Variants in MAP3K2 observed in about 807,000 individuals in gnomAD.
MAP3K2 encodes mitogen-activated protein kinase kinase kinase 2.
Under a neutral mutation model 80.3 loss-of-function variants are expected in MAP3K2, and 24 were observed. The observed-to-expected ratio is 0.30, with a 90% CI of 0.22 to 0.42. The LOEUF is 0.42. MAP3K2 is among the 10% of genes least tolerant of loss of function. MAP3K2 has a pLI of 1.00. For synonymous variants in MAP3K2, 244 were observed against 253.7 expected, an observed-to-expected ratio of 0.96 and a Z score of 0.36; for missense variants, 608 against 750.1, an observed-to-expected ratio of 0.81 and a Z score of 2.21.
At position 127,307,645 on chromosome 2, in the gene MAP3K2, A is replaced by G. The variant is rs1418344028; in HGVS notation, c.1794T>C (p.Phe598=). The part of the protein sequence containing the change: ...DYTRDFLKRI[F]VEAKLRPSAD... ...CTGAAGGTCTCAGTTTGGCCTCTACAAAAATCCGTTTGAGGAAATCTCGAG... is the reference window on the plus strand; with the variant it reads ...CTGAAGGTCTCAGTTTGGCCTCTACGAAAATCCGTTTGAGGAAATCTCGAG... Residue 598 remains phenylalanine, a synonymous_variant, in exon 17 of 17, where the codon TTT becomes TTC. Coordinates refer to ENST00000682094, the MANE Select transcript of MAP3K2 (RefSeq NM_001371910.2). The surrounding 1 kb of genome is among the most constrained non-coding windows in gnomAD (Gnocchi z 5.4). The G allele has an allele frequency of 6.3e-7, 1 of 1,590,232 alleles. No homozygotes were observed. Among genetic ancestry groups the G allele is most frequent in the East Asian group, 2.3e-5 (1 of 44,110 alleles).
Position 127,387,567 on chromosome 2 carries a change from C to G in MAP3K2, c.-181G>C. ...CGCGGCCCCAGGTCGGGGGCTGCCG[C>G]AGGGCCCCCGGGGACCGGAGGGGCG... On this transcript the variant is annotated 5_prime_UTR_variant, in exon 1 of 17. Coordinates refer to ENST00000682094, the MANE Select transcript of MAP3K2 (RefSeq NM_001371910.2). 1 of 984,942 alleles carries G rather than the reference C, an allele frequency of 1.0e-6. No homozygotes were observed. Among genetic ancestry groups the G allele is most frequent in the Non-Finnish European group, 1.2e-6 (1 of 829,704 alleles). The allele number at this position is 984,942 out of a possible 1,614,324, so 61.0% of individuals were successfully genotyped here. A position where few individuals can be genotyped will look rare whatever the true frequency, so the allele number is the denominator to read the frequency against.
intron 13 of MAP3K2, 38 bp from the exon 14 acceptor site, chr2:127,317,798 T>A: frequency 1.3e-6 from 2 of 1,563,504 alleles, no homozygotes; most frequent in Admixed American, 1.9e-5. Flanking sequence ...TTCAACAATG[T>A]CAGTAAAAGC....
At chr2:127,345,951 G>C (rs769009651) in intron 1 of MAP3K2, among the ~76,000 whole-genome samples, 13 of 151,676 alleles carry the variant, frequency 8.6e-5, no homozygotes, top group Non-Finnish European at 1.5e-4. Flanking sequence ...AATACTAGAA[G>C]ATGAGGAACA....
rs111826303 is a variant in MAP3K2, at chr2:127,322,358, G to A, written c.839-106C>T. 5 of 671,148 alleles carry A rather than the reference G, an allele frequency of 7.4e-6. No homozygotes were observed. The highest frequency in any genetic ancestry group is 3.6e-5 in the African/African-American group (2 of 55,148). The allele number at this position is 671,148 out of a possible 1,614,324, so 41.6% of individuals were successfully genotyped here. A position where few individuals can be genotyped will look rare whatever the true frequency, so the allele number is the denominator to read the frequency against. On this transcript the variant is annotated intron_variant, in intron 11 of 16. Transcript: ENST00000682094. The surrounding 1 kb of genome is among the most constrained non-coding windows in gnomAD (Gnocchi z 4.2). ...GAATAGAAATTTGTCCTGTGACTAGGCTAAGAAACTCAAATAGGAATGATT... is the reference window on the plus strand; with the variant it reads ...GAATAGAAATTTGTCCTGTGACTAGACTAAGAAACTCAAATAGGAATGATT...
At chr2:127,315,976 GAGGC>G (rs975670675) in intron 14 of MAP3K2, among the ~76,000 whole-genome samples, 8 of 152,178 alleles carry the variant, frequency 5.3e-5, no homozygotes, top group African/African-American at 1.9e-4. Context: ...TCAGGAGGCT[GAGGC>G]AGGAGAATTG....
chr2:127,387,421 C>CACACACACACA (rs958738073), intron 1 of MAP3K2, 31 bp downstream of exon 1: 2 of 970,098 alleles, frequency 2.1e-6, no homozygotes, highest in Non-Finnish European at 2.5e-6. Context: ...CACACACACA[C>CACACACACACA]AAGCGCGCGC....
chr2:127,325,559 A>C (rs1012388819), intron 9 of MAP3K2, among the ~76,000 whole-genome samples, 169 bp downstream of exon 9: 1 of 152,102 alleles, frequency 6.6e-6, no homozygotes, highest in African/African-American at 2.4e-5. Flanking sequence ...TTAATAGCAA[A>C]TGCCTTTGGT....
rs2104797100 is a variant in MAP3K2, at chr2:127,303,238, T to C, written c.*4341A>G. On this transcript the variant is annotated 3_prime_UTR_variant, in exon 17 of 17. Coordinates refer to ENST00000682094, the MANE Select transcript of MAP3K2 (RefSeq NM_001371910.2). ...CTGATCTTAGTATAAATAACACTGT[T>C]GACAGAGTTCAATTTCTATCAAATG... 6.6e-6 allele frequency: 1 copy of C among 152,078 alleles called. No homozygotes were observed. The highest frequency in any genetic ancestry group is 6.5e-5 in the Admixed American group (1 of 15,270). The allele number at this position is 152,078 out of a possible 1,614,324, so 9.4% of individuals were successfully genotyped here.
chr2:127,364,521 C>T lies in MAP3K2; in HGVS notation c.-65-21327G>A, dbSNP rs751831552. ...GAATTATCGTCTGTGGACTGTCAGA[C>T]GATGTGCTAGACATTTCACATACAC... On this transcript the variant is annotated intron_variant, in intron 1 of 16. Transcript: ENST00000682094. This position sits in a 1 kb window ranked among gnomAD's most constrained non-coding sequence, Gnocchi z 4.1. Among the ~76,000 whole-genome samples, 1 of 152,154 alleles carries T rather than the reference C, an allele frequency of 6.6e-6. No homozygotes were observed. Among genetic ancestry groups the T allele is most frequent in the East Asian group, 1.9e-4 (1 of 5,182 alleles).
chr2:127,322,627 C>T lies in MAP3K2; in HGVS notation c.839-375G>A, dbSNP rs1686048509. Among the ~76,000 whole-genome samples, 1 of 152,098 alleles carries T rather than the reference C, an allele frequency of 6.6e-6. No individual in the cohort carries two copies. The highest frequency in any genetic ancestry group is 1.5e-5 in the Non-Finnish European group (1 of 68,012). On this transcript the variant is annotated intron_variant, in intron 11 of 16. Transcript: ENST00000682094. The surrounding 1 kb of genome is among the most constrained non-coding windows in gnomAD (Gnocchi z 4.2). ...TTTCTTTTTGAGATGGAGTTTCACTCTTGTTGCCCAGGCTGGAGTGCAGTG... is the reference window on the plus strand; with the variant it reads ...TTTCTTTTTGAGATGGAGTTTCACTTTTGTTGCCCAGGCTGGAGTGCAGTG...
rs1212997604 is a variant in MAP3K2 at position 127,321,096 on chromosome 2, AGTGAGATCCT to A, written c.1045+940_1045+949del. On this transcript the variant is annotated intron_variant, in intron 12 of 16. Coordinates refer to ENST00000682094, the MANE Select transcript of MAP3K2 (RefSeq NM_001371910.2). This position sits in a 1 kb window ranked among gnomAD's most constrained non-coding sequence, Gnocchi z 4.4. ...GATTGCACCACAGCCTGAGTGACAGAGTGAGATCCTGTTTCAAAAATGAAGGAGAAATAGA... is the reference window on the plus strand; with the variant it reads ...GATTGCACCACAGCCTGAGTGACAGAGTTTCAAAAATGAAGGAGAAATAGA... 1.3e-5 allele frequency among the ~76,000 whole-genome samples: 2 copies of A among 152,206 alleles called. No homozygotes were observed. The highest frequency in any genetic ancestry group is 4.8e-5 in the African/African-American group (2 of 41,454).
intron 12 of MAP3K2, among the ~76,000 whole-genome samples, chr2:127,320,413 T>A (rs1302574248): frequency 6.7e-6 from 1 of 149,990 alleles, no homozygotes; most frequent in Non-Finnish European, 1.5e-5. Flanking sequence ...AACCTGAAAA[T>A]AGATCAATGG....
chr2:127,368,140 G>T (rs1687002830), intron 1 of MAP3K2, among the ~76,000 whole-genome samples: 1 of 151,786 alleles, frequency 6.6e-6, no homozygotes, highest in South Asian at 2.1e-4. Flanking sequence ...TGGCCAACAT[G>T]GTGAAGCCCT....
chr2:127,325,690 A>C (rs1220341752), intron 9 of MAP3K2, 38 bp downstream of exon 9: 6 of 1,509,692 alleles, frequency 4.0e-6, no homozygotes, highest in Non-Finnish European at 5.5e-6. Context: ...TGTCTCAAAT[A>C]AACAAATAAA....
chr2:127,335,841 T>C (rs1558980367), intron 5 of MAP3K2, 29 bp downstream of exon 5: 12 of 1,230,612 alleles, frequency 9.8e-6, no homozygotes, highest in Non-Finnish European at 1.4e-5. Context: ...GAAGGTAAGA[T>C]CTACTAAAGT....
Position 127,308,623 on chromosome 2 carries a change from G to A in MAP3K2, c.1596C>T (p.Val532=), listed in dbSNP as rs772185646. The change falls in exon 16 of 17, where the codon GTC becomes GTT. Residue 532 remains valine (V), a synonymous_variant. Coordinates refer to ENST00000682094, the MANE Select transcript of MAP3K2 (RefSeq NM_001371910.2). ...TTCTTCCATAGCCTTCTCCACTGAT[G>A]ACTTCAGGGCTCATCCAGTATGGTG... ...TGTPYWMSPE[V]ISGEGYGRKA... 2.7e-5 allele frequency: 43 copies of A among 1,592,418 alleles called. No individual in the cohort carries two copies. In the Admixed American group the frequency reaches 6.9e-4, roughly 26 times the overall value.
chr2:127,309,428 T>C (rs1225359355), intron 15 of MAP3K2, among the ~76,000 whole-genome samples: 1 of 152,196 alleles, frequency 6.6e-6, no homozygotes, highest in Non-Finnish European at 1.5e-5. Flanking sequence ...AGTTCCCATA[T>C]ACCCCCACAC....
intron 1 of MAP3K2, among the ~76,000 whole-genome samples, chr2:127,358,184 A>C (rs1229889071): frequency 6.6e-6 from 1 of 152,266 alleles, no homozygotes. Context: ...TAAGGATGGC[A>C]AATAAAGCCA....
rs924437565 is a variant in MAP3K2 at position 127,298,942 on chromosome 2, AGATTT to A, written c.*8632_*8636del. ...ATATAAACATGGTTTCTTTTATATT[AGATTT>A]TTTTTTAAAAAAAAGCTATTTACCA... is the stretch of plus-strand genomic sequence containing the variant. On this transcript the variant is annotated 3_prime_UTR_variant, in exon 17 of 17. Coordinates refer to ENST00000682094, the MANE Select transcript of MAP3K2 (RefSeq NM_001371910.2). 4.0e-4 allele frequency: 53 copies of A among 131,340 alleles called. 1 individual carries two copies. In the East Asian group the frequency reaches 0.015, roughly 38 times the overall value. 8.1% of individuals were successfully genotyped at this position (131,340 alleles called of 1,614,324 possible).
Sources: gnomAD v4.1 joint callset for allele counts (sites outside exome capture counted in the v4.1 genomes callset) on GRCh38, gnomAD v4.1.1 for gene constraint, Gnocchi (gnomAD v3.1) non-coding constraint, MANE v1.5 for transcripts, NCBI Gene and HGNC (gene_info 2026-07-23, HGNC 2026-07-21) for gene names.